Variants in RASGEF1B observed in about 807,000 individuals in gnomAD.
RASGEF1B encodes the protein RasGEF domain family member 1B, also known as ras-GEF domain-containing family member 1B.
In RASGEF1B, 30 loss-of-function variants were observed where a neutral mutation model predicts 65.7. That is an observed-to-expected ratio of 0.46 (90% CI 0.34 to 0.62). RASGEF1B has a LOEUF of 0.62. RASGEF1B is among the 20% of genes least tolerant of loss of function. RASGEF1B has a pLI of 0.01. For missense variants in RASGEF1B, 495 were observed against 580.1 expected (o/e 0.85, Z 1.51); for synonymous variants, 175 against 194.8 (o/e 0.90, Z 0.85).
chr4:81,466,490 T>A (rs1722808678), intron 1 of RASGEF1B, among the ~76,000 whole-genome samples: 1 of 152,010 alleles, frequency 6.6e-6, no homozygotes, highest in Non-Finnish European at 1.5e-5. Context: ...CCAGGCGCGG[T>A]GGCTCACGCC....
rs374784664 is a variant in RASGEF1B at position 81,445,487 on chromosome 4, G to A, written c.928+39C>T. On this transcript the variant is annotated intron_variant, in intron 8 of 13. Transcript: ENST00000264400. The stretch of plus-strand genomic sequence containing the variant: ...TTCTGTGGGTCATTTTACAGGATTC[G>A]TAAAGATAAACGACATGTATCCTCC... The A allele has an allele frequency of 3.1e-5, 42 of 1,353,450 alleles. 3 individuals are homozygous for A. In the South Asian group the frequency reaches 3.7e-4, roughly 12 times the overall value. 83.8% of individuals were successfully genotyped at this position (1,353,450 alleles called of 1,614,324 possible).
intron 13 of RASGEF1B, among the ~76,000 whole-genome samples, chr4:81,431,248 A>T (rs1413282963): frequency 1.4e-5 from 2 of 147,634 alleles, no homozygotes; most frequent in African/African-American, 5.0e-5. Context: ...TATATTTTAT[A>T]TAATATATAT....
intron 6 of RASGEF1B, 51 bp from the exon 7 acceptor site, chr4:81,445,889 G>A: frequency 7.5e-7 from 1 of 1,335,062 alleles, no homozygotes; most frequent in Non-Finnish European, 1.1e-6. Flanking sequence ...AAACAATGTA[G>A]TGGACTCTCA....
At chr4:81,451,743 C>T (rs17005140) in intron 4 of RASGEF1B, 1 of 152,146 alleles carries the variant, frequency 6.6e-6, no homozygotes, top group Non-Finnish European at 1.5e-5. Context: ...CAAGAAAGTT[C>T]TTTTCACTTA....
chr4:81,438,943 G>A (rs1721740782), intron 10 of RASGEF1B, among the ~76,000 whole-genome samples: 1 of 151,988 alleles, frequency 6.6e-6, no homozygotes, highest in South Asian at 2.1e-4. Flanking sequence ...TGGTGTATAT[G>A]TACCATATTT....
rs1027350326 is a variant in RASGEF1B, at chr4:81,458,502, T to C, written c.177+830A>G. Among the ~76,000 whole-genome samples the C allele has an allele frequency of 2.6e-5, 4 of 152,312 alleles. No individual in the cohort carries two copies. In the South Asian group the frequency reaches 8.3e-4, roughly 32 times the overall value. On this transcript the variant is annotated intron_variant, in intron 2 of 13. Transcript: ENST00000264400. ...GAATTACTGCGGCAAGCACCAACTA[T>C]CCTTTGCACACCAAGGTTATCATTA...
intron 1 of RASGEF1B, among the ~76,000 whole-genome samples, chr4:81,469,983 T>A (rs1249808115): frequency 1.3e-5 from 2 of 152,154 alleles, no homozygotes; most frequent in African/African-American, 4.8e-5. Flanking sequence ...AGTGGAAGAA[T>A]GCCAACAAGA....
chr4:81,458,744 C>T (rs921665174), intron 2 of RASGEF1B, among the ~76,000 whole-genome samples: 2 of 152,140 alleles, frequency 1.3e-5, no homozygotes, highest in Admixed American at 6.6e-5. Flanking sequence ...CACTCTGAAT[C>T]GTTTTCTCCT....
At chr4:81,439,260 T>C (rs924507322) in intron 10 of RASGEF1B, among the ~76,000 whole-genome samples, 6 of 152,198 alleles carry the variant, frequency 3.9e-5, no homozygotes, top group Admixed American at 2.6e-4. Context: ...CCAGCATCTA[T>C]TGTTTCTTGA....
chr4:81,464,554 AG>A (rs2109996872), intron 1 of RASGEF1B, among the ~76,000 whole-genome samples: 1 of 152,332 alleles, frequency 6.6e-6, no homozygotes, highest in African/African-American at 2.4e-5. Context: ...TATTCAATTC[AG>A]TCAGTGGCTC....
intron 13 of RASGEF1B, among the ~76,000 whole-genome samples, chr4:81,430,907 T>C (rs891387163): frequency 1.6e-4 from 25 of 152,180 alleles, no homozygotes; most frequent in African/African-American, 5.8e-4. Context: ...CCAGATATCA[T>C]TTATGTGTAG....
intron 4 of RASGEF1B, chr4:81,452,416 GC>G (rs1191002034): frequency 1.3e-5 from 2 of 152,132 alleles, no homozygotes; most frequent in Admixed American, 1.3e-4. Flanking sequence ...AGCCTATTCC[GC>G]AATTTTAGAA....
chr4:81,466,716 G>A (rs757596117), intron 1 of RASGEF1B, among the ~76,000 whole-genome samples: 8 of 139,442 alleles, frequency 5.7e-5, no homozygotes, highest in African/African-American at 8.3e-5. Context: ...CTGAGAACGC[G>A]CCACTGCACT....
chr4:81,454,087 G>T lies in RASGEF1B; in HGVS notation c.438+2564C>A, dbSNP rs141025208. The T allele has an allele frequency of 3.9e-5, 6 of 152,264 alleles. No homozygotes were observed. The East Asian group carries it at 1.2e-3, about 29-fold the overall frequency. The allele number at this position is 152,264 out of a possible 1,614,324, so 9.4% of individuals were successfully genotyped here. On this transcript the variant is annotated intron_variant, in intron 4 of 13. Transcript: ENST00000264400. Reference sequence around the variant, plus strand: ...GCTCAAAACCATCTGAACTTCGCAAGGTTTCTATCAAGAATATGTTATTAA... The same window carrying T: ...GCTCAAAACCATCTGAACTTCGCAATGTTTCTATCAAGAATATGTTATTAA...
chr4:81,433,766 C>A, intron 12 of RASGEF1B, 74 bp downstream of exon 12: 1 of 1,515,066 alleles, frequency 6.6e-7, no homozygotes, highest in South Asian at 1.2e-5. Flanking sequence ...TATGAGTAAC[C>A]AAGCATTTCT....
intron 1 of RASGEF1B, among the ~76,000 whole-genome samples, chr4:81,461,783 G>A (rs1722653201): frequency 1.3e-5 from 2 of 152,138 alleles, no homozygotes; most frequent in Admixed American, 6.5e-5. Context: ...CAGCCCATGT[G>A]CCATCACAAT....
chr4:81,457,472 A>G, intron 3 of RASGEF1B, 27 bp downstream of exon 3: 1 of 1,609,502 alleles, frequency 6.2e-7, no homozygotes, highest in Non-Finnish European at 8.5e-7. Flanking sequence ...AGCATTCCTA[A>G]TAAAACAAAT....
At chr4:81,442,691 C>T (rs1339168682) in intron 8 of RASGEF1B, among the ~76,000 whole-genome samples, 3 of 152,200 alleles carry the variant, frequency 2.0e-5, no homozygotes, top group African/African-American at 7.2e-5. Context: ...CAAAAACAGC[C>T]ACCATCCAGT....
chr4:81,468,696 T>G (rs1722929707), intron 1 of RASGEF1B, among the ~76,000 whole-genome samples: 1 of 152,184 alleles, frequency 6.6e-6, no homozygotes, highest in Non-Finnish European at 1.5e-5. Flanking sequence ...AAAAAGAAAT[T>G]TCACTCTCCT....
Sources: allele counts gnomAD v4.1 joint callset (sites outside exome capture counted in the v4.1 genomes callset), GRCh38; gene constraint gnomAD v4.1.1; transcripts MANE v1.5; gene names NCBI Gene and HGNC (gene_info 2026-07-23, HGNC 2026-07-21).